ZSCAN18: variants seen among roughly 807,000 people sequenced by gnomAD.
ZSCAN18 encodes zinc finger and SCAN domain-containing protein 18.
ZSCAN18 carries 16 observed loss-of-function variants against 31.1 expected under a neutral mutation model. The ratio of observed to expected loss-of-function variants is 0.51; its 90% confidence interval spans 0.35 to 0.78. The LOEUF is 0.78. Ranked by LOEUF, ZSCAN18 falls within the 30% of genes least tolerant of loss-of-function variation. The pLI, the probability that ZSCAN18 is intolerant of heterozygous loss-of-function variation, is 0.01. For synonymous variants in ZSCAN18, 375 were observed against 320.7 expected (o/e 1.17, Z -1.81); for missense variants, 731 against 697.4 (o/e 1.05, Z -0.54).
At chr19:58,089,225 C>T in intron 2 of ZSCAN18, among the ~76,000 whole-genome samples, 1 of 134,670 alleles carries the variant, frequency 7.4e-6, no homozygotes, top group Non-Finnish European at 1.5e-5. Flanking sequence ...ATGGCGTGAA[C>T]CCGGGAGGCG....
chr19:58,118,199 TCA>T, intron 1 of ZSCAN18: 1 of 769,554 alleles, frequency 1.3e-6, no homozygotes. Context: ...CCGCGTACCC[TCA>T]CAGACAGAAA....
Position 58,090,659 on chromosome 19 carries a change from G to A in ZSCAN18, c.-119-273C>T, listed in dbSNP as rs1476602397. On this transcript the variant is annotated intron_variant, in intron 1 of 6. Coordinates refer to ENST00000601144, the MANE Select transcript of ZSCAN18 (RefSeq NM_001145543.2). This position sits in a 1 kb window ranked among gnomAD's most constrained non-coding sequence, Gnocchi z 4.7. ...AGCTGGAGTGCAGTGGCGCAATCTC[G>A]GCTCAATGCAACCTCTACCTCCCGG... 4 of 313,282 alleles carry A rather than the reference G, an allele frequency of 1.3e-5. No homozygotes were observed. Among genetic ancestry groups the A allele is most frequent in the Admixed American group, 4.6e-5 (1 of 21,900 alleles). The allele number at this position is 313,282 out of a possible 1,614,324, so 19.4% of individuals were successfully genotyped here. A position where few individuals can be genotyped will look rare whatever the true frequency, so the allele number is the denominator to read the frequency against.
intron 1 of ZSCAN18, chr19:58,107,638 A>C (rs1312626065): frequency 1.0e-6 from 1 of 984,914 alleles, no homozygotes; most frequent in Non-Finnish European, 1.2e-6. Flanking sequence ...TTCCATTTAT[A>C]GATGGAAAAA....
At chr19:58,097,708 G>A (rs1001362872) in intron 1 of ZSCAN18, among the ~76,000 whole-genome samples, 2 of 100,674 alleles carry the variant, frequency 2.0e-5, no homozygotes, top group African/African-American at 8.0e-5. Context: ...CCCTTCAGGA[G>A]CCTCCCCCTC....
chr19:58,105,648 G>A (rs1385522252), intron 1 of ZSCAN18, among the ~76,000 whole-genome samples: 3 of 152,010 alleles, frequency 2.0e-5, no homozygotes, highest in Non-Finnish European at 4.4e-5. Flanking sequence ...GCAACAGAGT[G>A]AGACTCCGTC....
chr19:58,112,433 G>A (rs762865107), intron 1 of ZSCAN18, among the ~76,000 whole-genome samples: 7 of 151,418 alleles, frequency 4.6e-5, no homozygotes, highest in South Asian at 2.1e-4. Flanking sequence ...GGCGTATCAC[G>A]AGGTCAGGAG....
At chr19:58,092,774 T>A in intron 1 of ZSCAN18, 1 of 817,910 alleles carries the variant, frequency 1.2e-6, no homozygotes, top group Non-Finnish European at 1.5e-6. Context: ...ACCTCTACTT[T>A]TTTTTTTTTT....
chr19:58,096,258 C>T (rs2074518914), intron 1 of ZSCAN18, among the ~76,000 whole-genome samples: 1 of 152,190 alleles, frequency 6.6e-6, no homozygotes, highest in African/African-American at 2.4e-5. Flanking sequence ...GGGACCCTTT[C>T]CTGCCACAGC....
At chr19:58,086,711 G>A (rs2074288011) in intron 5 of ZSCAN18, 195 bp downstream of exon 5, 1 of 572,314 alleles carries the variant, frequency 1.7e-6, no homozygotes, top group African/African-American at 1.9e-5. Context: ...GGCAGGGCCT[G>A]GGCAGAACTC....
chr19:58,104,749 A>ATAAAAT (rs60618830), intron 1 of ZSCAN18, among the ~76,000 whole-genome samples: 1 of 147,690 alleles, frequency 6.8e-6, no homozygotes. Flanking sequence ...ATAAAATAAA[A>ATAAAAT]AAGTCTGAAG....
rs2074396798 is a variant in ZSCAN18, at chr19:58,090,877, A to G, written c.-119-491T>C. Among the ~76,000 whole-genome samples the G allele has an allele frequency of 6.6e-6, 1 of 151,820 alleles. No individual in the cohort carries two copies. The highest frequency in any genetic ancestry group is 6.6e-5 in the Admixed American group (1 of 15,180). On this transcript the variant is annotated intron_variant, in intron 1 of 6. Coordinates refer to ENST00000601144, the MANE Select transcript of ZSCAN18 (RefSeq NM_001145543.2). This position sits in a 1 kb window ranked among gnomAD's most constrained non-coding sequence, Gnocchi z 4.7. Reference sequence around the variant, plus strand: ...AGTGCTGGGATTACAGGTGTGAGCCACTGCGCCCAGCATCATTACCAGAAT... The same window carrying G: ...AGTGCTGGGATTACAGGTGTGAGCCGCTGCGCCCAGCATCATTACCAGAAT...
At chr19:58,110,936 A>C (rs2074677857) in intron 1 of ZSCAN18, among the ~76,000 whole-genome samples, 1 of 152,138 alleles carries the variant, frequency 6.6e-6, no homozygotes, top group African/African-American at 2.4e-5. Flanking sequence ...TGGGAGGCTG[A>C]GGCAGGTGGA....
intron 1 of ZSCAN18, chr19:58,107,913 C>A: frequency 1.9e-6 from 2 of 1,075,050 alleles, no homozygotes; most frequent in Non-Finnish European, 2.3e-6. Flanking sequence ...TTTGCCACAC[C>A]GATTACACTC....
At chr19:58,117,436 G>T (rs1319302723) in intron 1 of ZSCAN18, among the ~76,000 whole-genome samples, 1 of 152,114 alleles carries the variant, frequency 6.6e-6, no homozygotes, top group Non-Finnish European at 1.5e-5. Flanking sequence ...AGCCTGGCTG[G>T]GAATGTTCAC....
At chr19:58,109,083 T>G in intron 1 of ZSCAN18, 1 of 1,227,116 alleles carries the variant, frequency 8.1e-7, no homozygotes, top group African/African-American at 1.6e-5. Flanking sequence ...CCACAGCCCC[T>G]CATAGATGCT....
intron 1 of ZSCAN18, among the ~76,000 whole-genome samples, chr19:58,091,691 C>A (rs1436220761): frequency 6.6e-6 from 1 of 152,154 alleles, no homozygotes; most frequent in East Asian, 1.9e-4. Flanking sequence ...TAACTGTGCA[C>A]CAACAATGAG....
At chr19:58,091,298 A>T (rs2074405793) in intron 1 of ZSCAN18, among the ~76,000 whole-genome samples, 1 of 150,428 alleles carries the variant, frequency 6.6e-6, no homozygotes, top group South Asian at 2.1e-4. Context: ...GATTATAGGG[A>T]TGTCAATTTC....
At chr19:58,105,553 C>T (rs1463034660) in intron 1 of ZSCAN18, among the ~76,000 whole-genome samples, 6 of 151,810 alleles carry the variant, frequency 4.0e-5, no homozygotes, top group Non-Finnish European at 7.4e-5. Context: ...CCCAGCTACT[C>T]GGGAGGCTGA....
Position 58,087,425 on chromosome 19 carries a change from A to G in ZSCAN18, c.554-21T>C, listed in dbSNP as rs373402289. On this transcript the variant is annotated intron_variant, in intron 3 of 6. Coordinates refer to ENST00000601144, the MANE Select transcript of ZSCAN18 (RefSeq NM_001145543.2). ...CCAGGCTGGGGAGAAGGAGAGGCAG[A>G]GCTGAGGCAATGAGCTCCCTGTGGC... is the stretch of plus-strand genomic sequence containing the variant. 2.5e-6 allele frequency: 4 copies of G among 1,581,602 alleles called. No individual in the cohort carries two copies. The African/African-American group carries it at 4.0e-5, about 16-fold the overall frequency.
Sources: gnomAD v4.1 joint callset for allele counts (sites outside exome capture counted in the v4.1 genomes callset) on GRCh38, gnomAD v4.1.1 for gene constraint, Gnocchi (gnomAD v3.1) non-coding constraint, MANE v1.5 for transcripts, NCBI Gene and HGNC (gene_info 2026-07-23, HGNC 2026-07-21) for gene names.